Variants in TMEM220 observed in about 807,000 individuals in gnomAD.
The protein encoded by TMEM220 is transmembrane protein 220.
In TMEM220, 21 loss-of-function variants were observed where a neutral mutation model predicts 21.7. The ratio of observed to expected loss-of-function variants is 0.97; its 90% confidence interval spans 0.69 to 1.39. The LOEUF (loss-of-function observed/expected upper bound fraction) is 1.39, where lower values mean the gene tolerates loss of function less well. TMEM220 is among the 40% of genes most tolerant of loss of function. The pLI, the probability that TMEM220 is intolerant of heterozygous loss-of-function variation, is 0.00. For synonymous variants in TMEM220, 80 were observed against 73.6 expected, an observed-to-expected ratio of 1.09 and a Z score of -0.45; for missense variants, 191 against 201.9, an observed-to-expected ratio of 0.95 and a Z score of 0.33.
At chr17:10,725,688 A>G (rs896583970) in intron 3 of TMEM220, among the ~76,000 whole-genome samples, 2 of 152,202 alleles carry the variant, frequency 1.3e-5, no homozygotes, top group African/African-American at 4.8e-5. Context: ...TTCCGAGTCC[A>G]CCAGTCTGAA....
intron 2 of TMEM220, among the ~76,000 whole-genome samples, chr17:10,726,833 G>A (rs1030818064): frequency 1.3e-5 from 2 of 152,238 alleles, no homozygotes; most frequent in African/African-American, 4.8e-5. Context: ...TAGCCCTAAA[G>A]AGGCCCTATT....
intron 2 of TMEM220, among the ~76,000 whole-genome samples, chr17:10,726,652 A>G (rs377366): frequency 0.49 from 75,143 of 152,054 alleles, 19,315 homozygotes; most frequent in African/African-American, 0.64. Context: ...AGCAGCCACG[A>G]TGCTAGATGG....
chr17:10,725,862 T>A (rs2075043408), intron 3 of TMEM220, among the ~76,000 whole-genome samples: 1 of 152,210 alleles, frequency 6.6e-6, no homozygotes, highest in South Asian at 2.1e-4. Flanking sequence ...AGCCCAGGCA[T>A]CTAGGGAACT....
At chr17:10,721,940 T>C (rs921111786) in intron 5 of TMEM220, among the ~76,000 whole-genome samples, 7 of 151,724 alleles carry the variant, frequency 4.6e-5, no homozygotes, top group African/African-American at 1.7e-4. Context: ...AATCTTTCTA[T>C]ATCAGTACAG....
At chr17:10,719,312 T>C (rs1210701454) in intron 5 of TMEM220, among the ~76,000 whole-genome samples, 2 of 152,214 alleles carry the variant, frequency 1.3e-5, no homozygotes, top group East Asian at 3.8e-4. Flanking sequence ...AGTCTCTCTC[T>C]GTCTCCCAGG....
At chr17:10,722,044 G>A (rs11078858) in intron 5 of TMEM220, among the ~76,000 whole-genome samples, 65,626 of 149,250 alleles carry the variant, frequency 0.44, 14,560 homozygotes, top group African/African-American at 0.45. Context: ...GCAGGCTGGA[G>A]TGCAACAGCA....
At chr17:10,716,815 C>T (rs1219150422) in intron 5 of TMEM220, among the ~76,000 whole-genome samples, 1 of 152,152 alleles carries the variant, frequency 6.6e-6, no homozygotes, top group African/African-American at 2.4e-5. Context: ...TTTATTTATT[C>T]ATCCTTTTGT....
Position 10,729,981 on chromosome 17 carries a change from A to C in TMEM220, c.-130T>G. On this transcript the variant is annotated 5_prime_UTR_variant, in exon 1 of 6. Coordinates refer to ENST00000341871, the MANE Select transcript of TMEM220 (RefSeq NM_001004313.3). Reference sequence around the variant, plus strand: ...CCGCCTCGGTTTCGGTGCCTTGGGGACACTGCCGTGGCCGTCGCTCCGCCC... The same window carrying C: ...CCGCCTCGGTTTCGGTGCCTTGGGGCCACTGCCGTGGCCGTCGCTCCGCCC... 8.3e-7 allele frequency: 1 copy of C among 1,210,482 alleles called. No individual in the cohort carries two copies. Among genetic ancestry groups the C allele is most frequent in the South Asian group, 4.3e-5 (1 of 23,400 alleles). 75.0% of individuals were successfully genotyped at this position (1,210,482 alleles called of 1,614,324 possible). A position where few individuals can be genotyped will look rare whatever the true frequency, so the allele number is the denominator to read the frequency against.
At chr17:10,723,203 T>A in intron 5 of TMEM220, 67 bp downstream of exon 5, 2 of 1,350,288 alleles carry the variant, frequency 1.5e-6, no homozygotes, top group Non-Finnish European at 2.1e-6. Context: ...ATGGTCTTGA[T>A]CTCCTGACCT....
At chr17:10,728,121 T>C (rs767896138) in intron 2 of TMEM220, among the ~76,000 whole-genome samples, 19 of 150,908 alleles carry the variant, frequency 1.3e-4, no homozygotes, top group African/African-American at 1.7e-4. Context: ...GATTGCGCCA[T>C]TGCACTCCAG....
intron 4 of TMEM220, chr17:10,724,642 G>GCT: frequency 5.5e-6 from 1 of 181,472 alleles, no homozygotes; most frequent in East Asian, 1.3e-4. Context: ...TAAGATTCTG[G>GCT]CTTAAACCAG....
downstream of TMEM220, among the ~76,000 whole-genome samples, chr17:10,711,617 T>C (rs1298794209): frequency 6.6e-6 from 1 of 152,182 alleles, no homozygotes; most frequent in East Asian, 1.9e-4. Flanking sequence ...AAATTACCAA[T>C]AGTTATTTCA....
At chr17:10,723,400 A>G (rs1597530491) in intron 4 of TMEM220, 71 bp from the exon 5 acceptor site, 2 of 1,124,574 alleles carry the variant, frequency 1.8e-6, no homozygotes, top group East Asian at 4.7e-5. Context: ...CATTCTCTCC[A>G]TGACCACCTG....
Position 10,715,534 on chromosome 17 carries a change from GA to G in TMEM220, c.401del (p.Phe134SerfsTer26). 6.2e-7 allele frequency: 1 copy of G among 1,604,644 alleles called. No homozygotes were observed. The highest frequency in any genetic ancestry group is 1.1e-5 in the South Asian group (1 of 88,242). The stretch of plus-strand genomic sequence containing the variant: ...ATATGTAGACCCATGAGATAAATGG[GA>G]AAAGTGTGATTACAATGGCAATAGC... ...QLAIAIVITL[F>X]PFISWVYIYI... On this transcript the variant is annotated frameshift_variant, in exon 6 of 6. Coordinates refer to ENST00000341871, the MANE Select transcript of TMEM220 (RefSeq NM_001004313.3). LOFTEE classifies it high-confidence loss of function.
chr17:10,726,336 G>T, intron 2 of TMEM220, 72 bp from the exon 3 acceptor site: 1 of 1,264,988 alleles, frequency 7.9e-7, no homozygotes, highest in Non-Finnish European at 1.2e-6. Context: ...CAGAGATACA[G>T]GAAGTAAAGA....
chr17:10,729,750 C>A, intron 1 of TMEM220, 30 bp downstream of exon 1: 2 of 1,332,996 alleles, frequency 1.5e-6, no homozygotes, highest in Non-Finnish European at 9.6e-7. Context: ...GGGAGCCGGG[C>A]GGGTCCCCCT....
At position 10,729,013 on chromosome 17, in the gene TMEM220, G is replaced by GA; in HGVS notation, c.102+17dup. ...ATTCTTCCAAACGGAGGAAAGCCTG[G>GA]AAGCGGCTCATACTCACCACCCACA... On this transcript the variant is annotated intron_variant, in intron 2 of 5. Coordinates refer to ENST00000341871, the MANE Select transcript of TMEM220 (RefSeq NM_001004313.3). 6.2e-7 allele frequency: 1 copy of GA among 1,614,112 alleles called. No homozygotes were observed. The highest frequency in any genetic ancestry group is 8.5e-7 in the Non-Finnish European group (1 of 1,179,968).
chr17:10,720,561 G>A (rs1325924767), intron 5 of TMEM220, among the ~76,000 whole-genome samples: 1 of 152,164 alleles, frequency 6.6e-6, no homozygotes, highest in Admixed American at 6.5e-5. Flanking sequence ...GGAAGCTATA[G>A]GGTCAGGGGG....
chr17:10,727,201 G>GT (rs11394416), intron 2 of TMEM220, among the ~76,000 whole-genome samples: 505 of 151,462 alleles, frequency 3.3e-3, no homozygotes, highest in Non-Finnish European at 5.2e-3. Context: ...GATGGGGGGG[G>GT]TCTCGCTATG....
Sources: allele counts gnomAD v4.1 joint callset (sites outside exome capture counted in the v4.1 genomes callset), GRCh38; gene constraint gnomAD v4.1.1; transcripts MANE v1.5; gene names NCBI Gene and HGNC (gene_info 2026-07-23, HGNC 2026-07-21).